Variants in CACNG2 observed in about 807,000 individuals in gnomAD.
CACNG2 encodes calcium voltage-gated channel auxiliary subunit gamma 2.
Under a neutral mutation model 25.9 loss-of-function variants are expected in CACNG2, and 3 were observed. The observed-to-expected ratio is 0.12, with a 90% CI of 0.05 to 0.30. The LOEUF (loss-of-function observed/expected upper bound fraction) is 0.30. Ranked by LOEUF, CACNG2 falls within the 10% of genes least tolerant of loss-of-function variation. The pLI is 1.00. For synonymous variants in CACNG2, 167 were observed against 173.3 expected, an observed-to-expected ratio of 0.96 and a Z score of 0.29; for missense variants, 341 against 432.5, an observed-to-expected ratio of 0.79 and a Z score of 1.88.
chr22:36,594,648 C>A (rs916725346), intron 1 of CACNG2, among the ~76,000 whole-genome samples: 5 of 151,954 alleles, frequency 3.3e-5, no homozygotes, highest in Non-Finnish European at 7.4e-5. Flanking sequence ...GAGAAGTCAG[C>A]CTGATGAAGC....
At chr22:36,659,072 G>A (rs1280198364) in intron 1 of CACNG2, among the ~76,000 whole-genome samples, 1 of 152,206 alleles carries the variant, frequency 6.6e-6, no homozygotes, top group Admixed American at 6.5e-5. Context: ...ATTACACAGT[G>A]GGTAGGAAAC....
chr22:36,690,227 G>T (rs11912499), intron 1 of CACNG2, among the ~76,000 whole-genome samples: 3,548 of 152,294 alleles, frequency 0.023, 129 homozygotes, highest in African/African-American at 0.082. Flanking sequence ...TGTAAGCCAC[G>T]TAAGACACTC....
chr22:36,569,856 T>C (rs1977065), intron 2 of CACNG2, among the ~76,000 whole-genome samples: 5,444 of 152,158 alleles, frequency 0.036, 174 homozygotes, highest in African/African-American at 0.078. Context: ...TAGTTTCTAA[T>C]AGCTCTGCCC....
At chr22:36,590,592 T>A (rs1935575934) in intron 1 of CACNG2, among the ~76,000 whole-genome samples, 1 of 152,124 alleles carries the variant, frequency 6.6e-6, no homozygotes, top group Admixed American at 6.5e-5. Context: ...CACCGCCCAC[T>A]ACCAGGCCAC....
chr22:36,639,470 T>G (rs1217789841), intron 1 of CACNG2, among the ~76,000 whole-genome samples: 1 of 152,142 alleles, frequency 6.6e-6, no homozygotes, highest in Non-Finnish European at 1.5e-5. Flanking sequence ...GATTGTAGTA[T>G]TTTGTGAATT....
intron 1 of CACNG2, among the ~76,000 whole-genome samples, chr22:36,666,312 G>A (rs1331800422): frequency 1.3e-5 from 2 of 152,170 alleles, no homozygotes; most frequent in African/African-American, 4.8e-5. Flanking sequence ...GAAGGCTGAG[G>A]TGGGAGGATT....
intron 1 of CACNG2, among the ~76,000 whole-genome samples, chr22:36,647,179 A>G (rs1936538079): frequency 6.6e-6 from 1 of 151,904 alleles, no homozygotes; most frequent in Non-Finnish European, 1.5e-5. Flanking sequence ...TCTCCTCCCC[A>G]TCCTGGTCCA....
rs569444243 is a variant in CACNG2 at position 36,573,551 on chromosome 22, C to T, written c.296-7058G>A. ...TTCACCATGTTGGCCAGCCTGGTCT[C>T]GAACTTCTGGCCTCAAATGATATGC... On this transcript the variant is annotated intron_variant, in intron 2 of 3. Transcript: ENST00000300105. 3.3e-5 allele frequency among the ~76,000 whole-genome samples: 5 copies of T among 152,280 alleles called. No individual in the cohort carries two copies. In the East Asian group the frequency reaches 7.7e-4, roughly 24 times the overall value.
intron 1 of CACNG2, among the ~76,000 whole-genome samples, chr22:36,623,430 ACCACAG>A (rs1936138402): frequency 6.6e-6 from 1 of 152,046 alleles, no homozygotes; most frequent in Admixed American, 6.6e-5. Context: ...CTCGACTAAA[ACCACAG>A]CTCTGCCCCT....
intron 1 of CACNG2, among the ~76,000 whole-genome samples, chr22:36,622,090 A>C (rs1413713519): frequency 1.3e-5 from 2 of 152,232 alleles, no homozygotes; most frequent in Non-Finnish European, 2.9e-5. Context: ...CCCTGTTTAC[A>C]GATGAGGAAA....
intron 1 of CACNG2, among the ~76,000 whole-genome samples, chr22:36,622,177 C>T (rs554774089): frequency 6.6e-6 from 1 of 152,320 alleles, no homozygotes; most frequent in African/African-American, 2.4e-5. Context: ...CAGACCTGGC[C>T]AATTGGCTCA....
rs536113776 is a variant in CACNG2, at chr22:36,703,210, G to A, written c.-634C>T. The A allele has an allele frequency of 3.8e-5, 6 of 159,250 alleles. No individual in the cohort carries two copies. The South Asian group carries it at 9.8e-4, about 26-fold the overall frequency. 9.9% of individuals were successfully genotyped at this position (159,250 alleles called of 1,614,324 possible). On this transcript the variant is annotated 5_prime_UTR_variant, in exon 1 of 4. Coordinates refer to ENST00000300105, the MANE Select transcript of CACNG2 (RefSeq NM_006078.5). ...TGAGCTCAGCTGCACAGGTGCGGGGGTCTCGCTTTCCATGGTTTTGCCCGG... is the reference window on the plus strand; with the variant it reads ...TGAGCTCAGCTGCACAGGTGCGGGGATCTCGCTTTCCATGGTTTTGCCCGG...
chr22:36,630,469 G>A (rs1437545945), intron 1 of CACNG2, among the ~76,000 whole-genome samples: 2 of 152,118 alleles, frequency 1.3e-5, no homozygotes, highest in Admixed American at 6.6e-5. Flanking sequence ...AATTTTGCTT[G>A]GAGTCAGGAA....
intron 1 of CACNG2, among the ~76,000 whole-genome samples, chr22:36,690,928 G>A (rs572027381): frequency 6.6e-6 from 1 of 152,208 alleles, no homozygotes; most frequent in African/African-American, 2.4e-5. Context: ...TTTGTGATGG[G>A]GCCTCTGCCC....
At chr22:36,596,585 G>A (rs1259656649) in intron 1 of CACNG2, among the ~76,000 whole-genome samples, 2 of 152,144 alleles carry the variant, frequency 1.3e-5, no homozygotes, top group African/African-American at 4.8e-5. Flanking sequence ...CACTGGGCAG[G>A]GTGAGATGAA....
chr22:36,564,713 G>T lies in CACNG2; in HGVS notation c.610C>A (p.Arg204=), dbSNP rs1438259357. 1.2e-6 allele frequency: 2 copies of T among 1,614,144 alleles called. No individual in the cohort carries two copies. The highest frequency in any genetic ancestry group is 1.7e-6 in the Non-Finnish European group (2 of 1,180,034). Residue 204 remains arginine, a synonymous_variant, in exon 4 of 4, where the codon CGG becomes AGG. Transcript: ENST00000300105. This position sits in a 1 kb window ranked among gnomAD's most constrained non-coding sequence, Gnocchi z 6.7. ...GCCGTGGCCCGCAGCTGTTTGTGCC[G>T]GTCGATAAACATGTGCACCGCCAGC... The part of the protein sequence containing the change: ...GVLAVHMFID[R]HKQLRATARA...
intron 1 of CACNG2, among the ~76,000 whole-genome samples, chr22:36,598,989 T>C (rs114934464): frequency 1.7e-3 from 266 of 152,202 alleles, no homozygotes; most frequent in Middle Eastern, 6.8e-3. Flanking sequence ...AATCCAAATC[T>C]ATTTGAATAT....
chr22:36,650,482 C>A (rs775729043), intron 1 of CACNG2, among the ~76,000 whole-genome samples: 2 of 152,050 alleles, frequency 1.3e-5, no homozygotes, highest in Non-Finnish European at 2.9e-5. Context: ...AGAAATCCTC[C>A]TGCCTCAACC....
intron 1 of CACNG2, among the ~76,000 whole-genome samples, chr22:36,671,767 G>A (rs889300570): frequency 1.1e-4 from 17 of 152,096 alleles, no homozygotes; most frequent in African/African-American, 3.9e-4. Flanking sequence ...GAGTCTGCAC[G>A]GGGCCTCTGC....
Sources: allele counts gnomAD v4.1 joint callset (sites outside exome capture counted in the v4.1 genomes callset), GRCh38; gene constraint gnomAD v4.1.1; non-coding constraint Gnocchi (gnomAD v3.1); transcripts MANE v1.5; gene names NCBI Gene and HGNC (gene_info 2026-07-23, HGNC 2026-07-21).